Variants in MTMR10 observed in about 807,000 individuals in gnomAD.
MTMR10 encodes the protein myotubularin related protein 10.
Under a neutral mutation model 88.1 loss-of-function variants are expected in MTMR10, and 56 were observed. That is an observed-to-expected ratio of 0.64 (90% CI 0.51 to 0.79). The LOEUF is 0.79. Among genes scored for constraint, MTMR10 ranks in the 30% least tolerant of loss-of-function variants. The pLI is 0.00. For synonymous variants in MTMR10, 380 were observed against 340.9 expected (o/e 1.11, Z -1.26); for missense variants, 883 against 924.7 (o/e 0.95, Z 0.58).
chr15:30,941,874 C>T lies in MTMR10; in HGVS notation c.1930G>A (p.Val644Ile), dbSNP rs1233651492. ...GTTCCAGAGACACGTGGCAGAATAACACCGTGCAGGTTGGCGGGTTTGGAA... is the reference window on the plus strand; with the variant it reads ...GTTCCAGAGACACGTGGCAGAATAATACCGTGCAGGTTGGCGGGTTTGGAA... ...WFSKPANLHG[V>I]ILPRVSGTHI... Residue 644 changes from valine to isoleucine, a missense_variant, in exon 16 of 16, where the codon GTT (valine) becomes ATT (isoleucine). Val to Ile is a conservative substitution (Grantham distance 29). Coordinates refer to ENST00000435680, the MANE Select transcript of MTMR10 (RefSeq NM_017762.3). 12 of 1,614,058 alleles carry T rather than the reference C, an allele frequency of 7.4e-6. No individual in the cohort carries two copies. The highest frequency in any genetic ancestry group is 1.0e-5 in the Non-Finnish European group (12 of 1,179,904).
At chr15:30,984,575 G>A (rs2030814895) in intron 2 of MTMR10, among the ~76,000 whole-genome samples, 1 of 152,104 alleles carries the variant, frequency 6.6e-6, no homozygotes, top group South Asian at 2.1e-4. Flanking sequence ...TGGTGAGACA[G>A]AAAACAAGAA....
At chr15:30,969,883 T>C (rs2063516938) in intron 5 of MTMR10, among the ~76,000 whole-genome samples, 1 of 152,150 alleles carries the variant, frequency 6.6e-6, no homozygotes, top group South Asian at 2.1e-4. Context: ...TGGAAAATCC[T>C]ACTCCTCTTA....
chr15:30,969,723 T>C (rs1400665559), intron 5 of MTMR10, among the ~76,000 whole-genome samples: 1 of 152,190 alleles, frequency 6.6e-6, no homozygotes. Flanking sequence ...TTAAATCTCC[T>C]CATTCTTGAT....
chr15:30,948,632 C>T, intron 12 of MTMR10, 161 bp from the exon 13 acceptor site: 1 of 666,978 alleles, frequency 1.5e-6, no homozygotes, highest in Non-Finnish European at 2.5e-6. Context: ...TAAAATATTA[C>T]AGACTTGTAG....
At chr15:30,944,183 TG>T (rs2063132422) in intron 14 of MTMR10, among the ~76,000 whole-genome samples, 1 of 152,192 alleles carries the variant, frequency 6.6e-6, no homozygotes, top group African/African-American at 2.4e-5. Context: ...GGCTAAGCTG[TG>T]TAACAGCACA....
the MTMR10 span, chr15:30,927,394 C>A: frequency 1.0e-5 from 10 of 985,456 alleles, no homozygotes; most frequent in Non-Finnish European, 1.2e-5. Flanking sequence ...AGCCAGGAGT[C>A]CTGAGTGAAC....
chr15:30,980,393 A>C (rs913373738), intron 2 of MTMR10, among the ~76,000 whole-genome samples: 1 of 152,234 alleles, frequency 6.6e-6, no homozygotes, highest in African/African-American at 2.4e-5. Flanking sequence ...AAAAGCAAGA[A>C]TTTGGAAATG....
At chr15:30,953,726 T>C (rs2063283066) in intron 10 of MTMR10, 95 bp from the exon 11 acceptor site, 1 of 763,770 alleles carries the variant, frequency 1.3e-6, no homozygotes, top group Non-Finnish European at 2.1e-6. Flanking sequence ...ATTTAAAAGT[T>C]AGCTTTAAGT....
At chr15:30,975,735 AATT>A (rs886681323) in intron 3 of MTMR10, among the ~76,000 whole-genome samples, 4 of 152,218 alleles carry the variant, frequency 2.6e-5, no homozygotes, top group African/African-American at 9.7e-5. Context: ...ACAGTATAAT[AATT>A]ATGGTAAATT....
the MTMR10 span, among the ~76,000 whole-genome samples, chr15:30,933,440 T>C: frequency 6.6e-6 from 1 of 152,252 alleles, no homozygotes; most frequent in African/African-American, 2.4e-5. Context: ...TTCAGGTATC[T>C]TTCTGCTATT....
the MTMR10 span, chr15:30,922,342 G>T: frequency 1.9e-6 from 3 of 1,612,618 alleles, no homozygotes; most frequent in South Asian, 3.3e-5. Flanking sequence ...AGCACTTGAA[G>T]CGCCTGGAAC....
intron 3 of MTMR10, 93 bp from the exon 4 acceptor site, chr15:30,975,096 T>G (rs1409947056): frequency 3.1e-6 from 3 of 974,898 alleles, no homozygotes; most frequent in Non-Finnish European, 3.0e-6. Flanking sequence ...ACTGTGACAG[T>G]TATCTCTAAA....
chr15:30,986,752 C>G (rs1167813528), intron 2 of MTMR10, among the ~76,000 whole-genome samples: 3 of 152,188 alleles, frequency 2.0e-5, no homozygotes, highest in African/African-American at 7.2e-5. Flanking sequence ...TACCAGTGAT[C>G]CAGGTCACAG....
downstream of MTMR10, chr15:30,938,880 T>C (rs2062944688): frequency 1.0e-6 from 1 of 957,592 alleles, no homozygotes; most frequent in South Asian, 4.8e-5. Context: ...TAGGAGAAGA[T>C]GCCTTCACCT....
chr15:30,938,090 A>G (rs996227487), downstream of MTMR10, among the ~76,000 whole-genome samples: 19 of 151,972 alleles, frequency 1.3e-4, no homozygotes, highest in Non-Finnish European at 1.5e-5. Flanking sequence ...AGGCTGAGGC[A>G]GGAGGATGGC....
At chr15:30,968,456 A>C (rs1595933421) in intron 5 of MTMR10, among the ~76,000 whole-genome samples, 1 of 152,142 alleles carries the variant, frequency 6.6e-6, no homozygotes, top group East Asian at 1.9e-4. Context: ...TAAATAGAGA[A>C]ACATAATTAC....
the MTMR10 span, chr15:30,928,533 T>C: frequency 1.2e-6 from 2 of 1,612,460 alleles, no homozygotes; most frequent in Non-Finnish European, 1.7e-6. Context: ...TGTGTGTGTG[T>C]GTGTGTGACC....
At chr15:30,948,605 C>G in intron 12 of MTMR10, 134 bp from the exon 13 acceptor site, 1 of 837,978 alleles carries the variant, frequency 1.2e-6, no homozygotes. Context: ...GGAAATTTTA[C>G]TGGATTCCAG....
At chr15:30,938,850 G>A, downstream of MTMR10, 1 of 933,316 alleles carries the variant, frequency 1.1e-6, no homozygotes, top group African/African-American at 1.8e-5. Flanking sequence ...AACATCCCAT[G>A]GATGACACAG....
Sources: gnomAD v4.1 joint callset for allele counts (sites outside exome capture counted in the v4.1 genomes callset) on GRCh38, gnomAD v4.1.1 for gene constraint, MANE v1.5 for transcripts, NCBI Gene and HGNC (gene_info 2026-07-23, HGNC 2026-07-21) for gene names.